Variants in POMGNT2 observed in about 807,000 individuals in gnomAD.
The protein encoded by POMGNT2 is protein O-linked-mannose beta-1,4-N-acetylglucosaminyltransferase 2.
A neutral mutation model predicts 37.8 loss-of-function variants in POMGNT2; 32 were observed. The ratio of observed to expected loss-of-function variants is 0.85; its 90% CI spans 0.64 to 1.14. POMGNT2 has a LOEUF of 1.14. POMGNT2 is among the 50% of genes most tolerant of loss of function. POMGNT2 has a pLI of 0.00. For synonymous variants in POMGNT2, 340 were observed against 336.8 expected, an observed-to-expected ratio of 1.01 and a Z score of -0.10; for missense variants, 705 against 780.6, an observed-to-expected ratio of 0.90 and a Z score of 1.15.
rs776690091 is a variant in POMGNT2 at position 43,080,334 on chromosome 3, T to C, written c.1098A>G (p.Pro366=). ...PRGATVVELF[P]YAVNPDHYTP... is the part of the protein sequence containing the mutation. ...TGTAGTGGTCGGGATTGACAGCATA[T>C]GGGAAGAGCTCTACCACAGTTGCCC... Residue 366 remains proline, a synonymous_variant, in exon 2 of 2, where the codon CCA becomes CCG. Coordinates refer to ENST00000344697, the MANE Select transcript of POMGNT2 (RefSeq NM_032806.6). The C allele has an allele frequency of 1.2e-6, 2 of 1,614,034 alleles. No homozygotes were observed. Among genetic ancestry groups the C allele is most frequent in the East Asian group, 2.2e-5 (1 of 44,856 alleles).
intron 1 of POMGNT2, among the ~76,000 whole-genome samples, chr3:43,100,823 C>T (rs1025297195): frequency 1.3e-5 from 2 of 152,086 alleles, no homozygotes; most frequent in Admixed American, 1.3e-4. Flanking sequence ...TAGTATATTC[C>T]TCAATGTCTG....
At chr3:43,103,075 C>A (rs1205840576) in intron 1 of POMGNT2, among the ~76,000 whole-genome samples, 20 of 152,090 alleles carry the variant, frequency 1.3e-4, no homozygotes, top group Admixed American at 1.3e-3. Flanking sequence ...ATAATTTATC[C>A]CATGTGCCCT....
intron 1 of POMGNT2, among the ~76,000 whole-genome samples, chr3:43,083,505 C>T (rs1032510449): frequency 7.2e-5 from 11 of 152,212 alleles, no homozygotes; most frequent in African/African-American, 2.7e-4. Context: ...TTGTGAATTA[C>T]TTGAATTCCA....
chr3:43,096,970 A>C (rs1156910307), intron 1 of POMGNT2, among the ~76,000 whole-genome samples: 1 of 152,124 alleles, frequency 6.6e-6, no homozygotes, highest in African/African-American at 2.4e-5. Flanking sequence ...TCAGAGGATA[A>C]TGTCAAAAAT....
intron 1 of POMGNT2, among the ~76,000 whole-genome samples, chr3:43,100,428 T>C (rs1346858112): frequency 1.3e-5 from 2 of 152,182 alleles, no homozygotes; most frequent in South Asian, 2.1e-4. Flanking sequence ...TTGAGCATCC[T>C]TGGATTCTGG....
chr3:43,095,414 C>T lies in POMGNT2; in HGVS notation c.-106+10422G>A, dbSNP rs959996163. ...CCAATGAGATGGGATCCGTACAGGA[C>T]AGATGGTCTTTGACATGAGCCATTC... On this transcript the variant is annotated intron_variant, in intron 1 of 1. Transcript: ENST00000344697. 6.6e-5 allele frequency among the ~76,000 whole-genome samples: 10 copies of T among 152,224 alleles called. 1 individual carries two copies. The highest frequency in any genetic ancestry group is 2.4e-4 in the African/African-American group (10 of 41,460).
rs367979577 is a variant in POMGNT2, at chr3:43,079,640, C to T, written c.*49G>A. The T allele has an allele frequency of 1.8e-4, 269 of 1,536,368 alleles. No homozygotes were observed. Among genetic ancestry groups the T allele is most frequent in the Middle Eastern group, 3.6e-4 (2 of 5,510 alleles). On this transcript the variant is annotated 3_prime_UTR_variant, in exon 2 of 2. Coordinates refer to ENST00000344697, the MANE Select transcript of POMGNT2 (RefSeq NM_032806.6). ...ACAGTGGGATTAATGGGCCCAGGGA[C>T]GCTGAACTGCAGGAGCCACCTTCCC...
At chr3:43,094,506 A>C (rs901601203) in intron 1 of POMGNT2, among the ~76,000 whole-genome samples, 3 of 152,242 alleles carry the variant, frequency 2.0e-5, no homozygotes, top group Non-Finnish European at 4.4e-5. Flanking sequence ...AAGGGAAGTG[A>C]GAGAGCCCAG....
chr3:43,092,446 G>T (rs1010861753), intron 1 of POMGNT2, among the ~76,000 whole-genome samples: 1 of 152,044 alleles, frequency 6.6e-6, no homozygotes, highest in African/African-American at 2.4e-5. Flanking sequence ...TATGGGCACG[G>T]GCCACCAGCC....
Position 43,080,392 on chromosome 3 carries a change from GC to G in POMGNT2, c.1039del (p.Ala347ProfsTer16). The G allele has an allele frequency of 6.2e-7, 1 of 1,614,112 alleles. No individual in the cohort carries two copies. The highest frequency in any genetic ancestry group is 8.5e-7 in the Non-Finnish European group (1 of 1,179,992). On this transcript the variant is annotated frameshift_variant, in exon 2 of 2. Coordinates refer to ENST00000344697, the MANE Select transcript of POMGNT2 (RefSeq NM_032806.6). LOFTEE classifies it high-confidence loss of function. ...CAGGAAGAGGGTGGTGACCAGCTGG[GC>G]CCCATGCATGCTGACCAGCATGGAG... is the stretch of plus-strand genomic sequence containing the variant. ...NASMLVSMHG[A>X]QLVTTLFLPR...
chr3:43,101,619 C>T (rs140262346), intron 1 of POMGNT2, among the ~76,000 whole-genome samples: 51 of 152,268 alleles, frequency 3.3e-4, no homozygotes, highest in Admixed American at 9.8e-4. Context: ...GTGATTCTTG[C>T]GTGTGCACAA....
In POMGNT2 at chr3:43,080,331, A is replaced by C; in HGVS notation, c.1101T>G (p.Tyr367Ter). 1 of 1,614,158 alleles carries C rather than the reference A, an allele frequency of 6.2e-7. No individual in the cohort carries two copies. The highest frequency in any genetic ancestry group is 8.5e-7 in the Non-Finnish European group (1 of 1,180,028). The change falls in exon 2 of 2, where the codon TAT (tyrosine) becomes TAG (stop). Residue 367 changes from tyrosine (Y) to a stop codon, truncating the protein, a stop_gained. Coordinates refer to ENST00000344697, the MANE Select transcript of POMGNT2 (RefSeq NM_032806.6). LOFTEE classifies it high-confidence loss of function. ...RGATVVELFPYAVNPDHYTPY... is the reference protein window; with the variant it reads ...RGATVVELFP ...GAGTGTAGTGGTCGGGATTGACAGC[A>C]TATGGGAAGAGCTCTACCACAGTTG...
chr3:43,099,718 AT>A (rs2090003986), intron 1 of POMGNT2, among the ~76,000 whole-genome samples: 1 of 152,102 alleles, frequency 6.6e-6, no homozygotes, highest in South Asian at 2.1e-4. Flanking sequence ...GTGACGCTTT[AT>A]GGCAGCCAGG....
Position 43,079,526 on chromosome 3 carries a change from A to C in POMGNT2, c.*163T>G. On this transcript the variant is annotated 3_prime_UTR_variant, in exon 2 of 2. Coordinates refer to ENST00000344697, the MANE Select transcript of POMGNT2 (RefSeq NM_032806.6). Reference sequence around the variant, plus strand: ...AAGTCAGGTCCCTTATCTCTAGGGCAAAGAGGAGTGCTGTGACACCACACC... The same window carrying C: ...AAGTCAGGTCCCTTATCTCTAGGGCCAAGAGGAGTGCTGTGACACCACACC... The C allele has an allele frequency of 1.6e-6, 1 of 629,334 alleles. No homozygotes were observed. Among genetic ancestry groups the C allele is most frequent in the Non-Finnish European group, 2.7e-6 (1 of 370,254 alleles). 39.0% of individuals were successfully genotyped at this position (629,334 alleles called of 1,614,324 possible).
rs2089827818 is a variant in POMGNT2, at chr3:43,079,674, G to A, written c.*15C>T. On this transcript the variant is annotated 3_prime_UTR_variant, in exon 2 of 2. Coordinates refer to ENST00000344697, the MANE Select transcript of POMGNT2 (RefSeq NM_032806.6). ...GCAGGAGCCACCTTCCCGAGGCCAG[G>A]CTGTGGCCTGCTCGCTACGTGTTGC... is the stretch of plus-strand genomic sequence containing the variant. 1 of 1,601,994 alleles carries A rather than the reference G, an allele frequency of 6.2e-7. No individual in the cohort carries two copies.
At chr3:43,095,459 C>G (rs2089973135) in intron 1 of POMGNT2, among the ~76,000 whole-genome samples, 2 of 152,142 alleles carry the variant, frequency 1.3e-5, no homozygotes, top group Admixed American at 1.3e-4. Context: ...GAATAAAAAA[C>G]AGATCAGCCC....
At chr3:43,095,775 C>T (rs995522096) in intron 1 of POMGNT2, among the ~76,000 whole-genome samples, 1 of 152,122 alleles carries the variant, frequency 6.6e-6, no homozygotes, top group Admixed American at 6.5e-5. Flanking sequence ...ACAGAAGATC[C>T]AGTCTTCATT....
chr3:43,088,853 T>G (rs2125705864), intron 1 of POMGNT2, among the ~76,000 whole-genome samples: 1 of 152,360 alleles, frequency 6.6e-6, no homozygotes, highest in African/African-American at 2.4e-5. Context: ...TGAGAAATGG[T>G]AACTCCTCAT....
intron 1 of POMGNT2, 33 bp from the exon 2 acceptor site, chr3:43,081,569 T>G: frequency 1.3e-6 from 1 of 771,956 alleles, no homozygotes; most frequent in Non-Finnish European, 2.0e-6. Context: ...GAAAAAGGAA[T>G]TGGCAGTCTT....
Sources: gnomAD v4.1 joint callset for allele counts (sites outside exome capture counted in the v4.1 genomes callset) on GRCh38, gnomAD v4.1.1 for gene constraint, MANE v1.5 for transcripts, NCBI Gene and HGNC (gene_info 2026-07-23, HGNC 2026-07-21) for gene names.